UBE2E2: variants seen among roughly 807,000 people sequenced by gnomAD.
UBE2E2 encodes the protein ubiquitin conjugating enzyme E2 E2, also known as ubiquitin-conjugating enzyme E2 E2.
UBE2E2 carries 6 observed loss-of-function variants against 24.7 expected under a neutral mutation model. The ratio of observed to expected loss-of-function variants is 0.24; its 90% CI spans 0.13 to 0.48. UBE2E2 has a LOEUF of 0.48. UBE2E2 is among the 20% of genes least tolerant of loss of function. UBE2E2 has a pLI of 0.99. For missense variants in UBE2E2, 169 were observed against 245.0 expected, an observed-to-expected ratio of 0.69 and a Z score of 2.07; for synonymous variants, 104 against 83.6, an observed-to-expected ratio of 1.24 and a Z score of -1.33.
At chr3:23,385,426 C>T (rs1019719628) in intron 3 of UBE2E2, among the ~76,000 whole-genome samples, 2 of 152,170 alleles carry the variant, frequency 1.3e-5, no homozygotes, top group African/African-American at 2.4e-5. Flanking sequence ...GATCACCATG[C>T]CACAGCTGCT....
intron 3 of UBE2E2, among the ~76,000 whole-genome samples, chr3:23,364,031 C>T (rs1336998741): frequency 1.3e-5 from 2 of 151,838 alleles, no homozygotes; most frequent in Non-Finnish European, 2.9e-5. Context: ...ATATAACCTA[C>T]TCCTGAATGA....
chr3:23,406,955 G>C (rs1401382416), intron 3 of UBE2E2, among the ~76,000 whole-genome samples: 1 of 152,198 alleles, frequency 6.6e-6, no homozygotes, highest in East Asian at 1.9e-4. Context: ...CCCATGAGGA[G>C]GGCAGGGGCT....
intron 3 of UBE2E2, among the ~76,000 whole-genome samples, chr3:23,292,063 T>C (rs1009351339): frequency 6.6e-6 from 1 of 152,024 alleles, no homozygotes; most frequent in African/African-American, 2.4e-5. Flanking sequence ...TTTCACCGTG[T>C]TAACCAGGAT....
Position 23,208,226 on chromosome 3 carries a change from G to C in UBE2E2, c.-8-466G>C, listed in dbSNP as rs1260293284. Among the ~76,000 whole-genome samples, 5 of 152,180 alleles carry C rather than the reference G, an allele frequency of 3.3e-5. 1 individual carries two copies. The highest frequency in any genetic ancestry group is 3.3e-4 in the Admixed American group (5 of 15,280). On this transcript the variant is annotated intron_variant, in intron 1 of 5. Transcript: ENST00000396703. ...TACTGAATTTTATGTTTATGGATTT[G>C]CCTGTTCAGGACATTTCATATAAAT...
At chr3:23,272,637 A>G (rs1299077490) in intron 3 of UBE2E2, among the ~76,000 whole-genome samples, 2 of 152,228 alleles carry the variant, frequency 1.3e-5, no homozygotes, top group Non-Finnish European at 2.9e-5. Context: ...TCATAGTTCT[A>G]CAGAGAAATA....
chr3:23,530,040 C>G (rs1559412805), intron 4 of UBE2E2, among the ~76,000 whole-genome samples: 1 of 152,010 alleles, frequency 6.6e-6, no homozygotes, highest in Non-Finnish European at 1.5e-5. Flanking sequence ...TTTCTTTGAT[C>G]CAAGAATTAT....
chr3:23,437,756 T>G (rs750017142), intron 3 of UBE2E2, among the ~76,000 whole-genome samples: 3 of 152,204 alleles, frequency 2.0e-5, no homozygotes, highest in Non-Finnish European at 1.5e-5. Flanking sequence ...TTTGGTTCTT[T>G]GTGTGATACT....
chr3:23,555,452 GA>G (rs1407879995), intron 5 of UBE2E2, among the ~76,000 whole-genome samples: 1 of 152,126 alleles, frequency 6.6e-6, no homozygotes, highest in Non-Finnish European at 1.5e-5. Context: ...AGCCCTGAGG[GA>G]AAACAGTATG....
At chr3:23,520,095 TTTA>T (rs1694829556) in intron 4 of UBE2E2, among the ~76,000 whole-genome samples, 1 of 151,414 alleles carries the variant, frequency 6.6e-6, no homozygotes, top group South Asian at 2.1e-4. Flanking sequence ...CATAATTTTC[TTTA>T]TTATTTTTTT....
intron 3 of UBE2E2, among the ~76,000 whole-genome samples, chr3:23,381,121 A>G (rs1696658858): frequency 1.3e-5 from 2 of 152,174 alleles, no homozygotes; most frequent in African/African-American, 4.8e-5. Context: ...CTTTTAGATA[A>G]TCTTCTTATA....
intron 3 of UBE2E2, among the ~76,000 whole-genome samples, chr3:23,360,378 G>C (rs1033949133): frequency 6.6e-6 from 1 of 152,100 alleles, no homozygotes; most frequent in Admixed American, 6.5e-5. Context: ...CTTCTGCTGT[G>C]TGCCAGAACA....
intron 3 of UBE2E2, among the ~76,000 whole-genome samples, chr3:23,468,880 C>T (rs766281545): frequency 1.3e-5 from 2 of 152,110 alleles, no homozygotes; most frequent in Admixed American, 6.5e-5. Flanking sequence ...TTGTGTGTGT[C>T]GATGCCTGGT....
intron 2 of UBE2E2, among the ~76,000 whole-genome samples, chr3:23,210,681 C>T (rs1575472036): frequency 6.6e-6 from 1 of 152,262 alleles, no homozygotes; most frequent in Non-Finnish European, 1.5e-5. Flanking sequence ...GTGCAGAGCG[C>T]AGCGCAGTGC....
chr3:23,259,683 A>G (rs1403669579), intron 3 of UBE2E2, among the ~76,000 whole-genome samples: 1 of 152,188 alleles, frequency 6.6e-6, no homozygotes, highest in Non-Finnish European at 1.5e-5. Context: ...ATTACCTTAC[A>G]TCATATATAC....
chr3:23,225,501 A>C (rs565537724), intron 3 of UBE2E2, among the ~76,000 whole-genome samples: 1 of 152,100 alleles, frequency 6.6e-6, no homozygotes, highest in Non-Finnish European at 1.5e-5. Flanking sequence ...GTCCAATTTC[A>C]TTCCTTTTGG....
intron 3 of UBE2E2, among the ~76,000 whole-genome samples, chr3:23,485,634 G>A (rs1318617220): frequency 6.6e-6 from 1 of 152,308 alleles, no homozygotes; most frequent in Admixed American, 6.5e-5. Flanking sequence ...CACTGTTTCA[G>A]AGTATGTGGG....
chr3:23,238,068 C>A (rs12330262), intron 3 of UBE2E2, among the ~76,000 whole-genome samples: 92,799 of 151,870 alleles, frequency 0.61, 28,982 homozygotes, highest in South Asian at 0.68. Flanking sequence ...CTGTGGGGAC[C>A]TGGAATAAAT....
At chr3:23,546,234 T>C (rs777365741) in intron 5 of UBE2E2, among the ~76,000 whole-genome samples, 2 of 152,196 alleles carry the variant, frequency 1.3e-5, no homozygotes, top group Non-Finnish European at 2.9e-5. Context: ...ATGAAAATTC[T>C]CTTCAGTTTA....
chr3:23,521,491 A>C (rs1476756267), intron 4 of UBE2E2, among the ~76,000 whole-genome samples: 1 of 152,208 alleles, frequency 6.6e-6, no homozygotes, highest in Non-Finnish European at 1.5e-5. Flanking sequence ...CATCTGTTAA[A>C]TTATCTTCTG....
Sources: gnomAD v4.1 joint callset for allele counts (sites outside exome capture counted in the v4.1 genomes callset) on GRCh38, gnomAD v4.1.1 for gene constraint, MANE v1.5 for transcripts, NCBI Gene and HGNC (gene_info 2026-07-23, HGNC 2026-07-21) for gene names.